Variants in RAB3GAP2 observed in about 807,000 individuals in gnomAD.
RAB3GAP2 encodes rab3 GTPase-activating protein non-catalytic subunit.
RAB3GAP2 carries 87 observed loss-of-function variants against 185.3 expected under a neutral mutation model. The ratio of observed to expected loss-of-function variants is 0.47; its 90% CI spans 0.39 to 0.56. The LOEUF (loss-of-function observed/expected upper bound fraction) is 0.56. RAB3GAP2 is among the 20% of genes least tolerant of loss of function. RAB3GAP2 has a pLI of 0.00. For synonymous variants in RAB3GAP2, 554 were observed against 576.1 expected (o/e 0.96, Z 0.55); for missense variants, 1,492 against 1,638.2 (o/e 0.91, Z 1.54).
chr1:220,233,320 T>C (rs1218445937), intron 1 of RAB3GAP2, among the ~76,000 whole-genome samples: 2 of 152,166 alleles, frequency 1.3e-5, no homozygotes, highest in African/African-American at 4.8e-5. Context: ...CAATGGAAAA[T>C]AAAACTGAAT....
At chr1:220,180,371 A>C (rs1658378877) in intron 21 of RAB3GAP2, among the ~76,000 whole-genome samples, 1 of 152,172 alleles carries the variant, frequency 6.6e-6, no homozygotes, top group Non-Finnish European at 1.5e-5. Context: ...TTTATTAAAA[A>C]AGATAAACAA....
At chr1:220,205,241 TA>T (rs1658941830) in intron 8 of RAB3GAP2, among the ~76,000 whole-genome samples, 1 of 152,176 alleles carries the variant, frequency 6.6e-6, no homozygotes, top group African/African-American at 2.4e-5. Context: ...CTATAGGTAG[TA>T]AAAGTAAGAA....
chr1:220,233,007 G>T (rs1659528660), intron 1 of RAB3GAP2, 144 bp from the exon 2 acceptor site: 2 of 674,790 alleles, frequency 3.0e-6, no homozygotes, highest in Non-Finnish European at 5.2e-6. Context: ...GTTATACCAG[G>T]ATTTTGCTAT....
intron 4 of RAB3GAP2, among the ~76,000 whole-genome samples, chr1:220,212,247 A>T (rs529697624): frequency 2.0e-5 from 3 of 152,224 alleles, no homozygotes; most frequent in Non-Finnish European, 4.4e-5. Context: ...CAGAGAAGAC[A>T]ATGATTGCCC....
At chr1:220,201,217 CT>C (rs981670957) in intron 9 of RAB3GAP2, among the ~76,000 whole-genome samples, 23 of 148,810 alleles carry the variant, frequency 1.5e-4, no homozygotes, top group Admixed American at 4.7e-4. Flanking sequence ...TTAAAGGTTA[CT>C]TTTTTTTTTA....
intron 17 of RAB3GAP2, among the ~76,000 whole-genome samples, 168 bp from the exon 18 acceptor site, chr1:220,185,909 T>C (rs924407884): frequency 3.9e-5 from 6 of 152,184 alleles, no homozygotes; most frequent in Admixed American, 2.0e-4. Context: ...TGTTAAGTAA[T>C]ATACAATCAA....
intron 1 of RAB3GAP2, among the ~76,000 whole-genome samples, chr1:220,237,626 A>T (rs1659618203): frequency 6.6e-6 from 1 of 152,190 alleles, no homozygotes; most frequent in African/African-American, 2.4e-5. Context: ...GGATACAGGA[A>T]TCTCTATTTA....
chr1:220,247,560 C>T (rs1401756045), intron 1 of RAB3GAP2, among the ~76,000 whole-genome samples: 1 of 152,110 alleles, frequency 6.6e-6, no homozygotes, highest in Non-Finnish European at 1.5e-5. Flanking sequence ...GACAAAAAGA[C>T]ATACAGAGTG....
chr1:220,167,789 C>T, intron 24 of RAB3GAP2, 114 bp from the exon 25 acceptor site: 3 of 1,135,900 alleles, frequency 2.6e-6, no homozygotes, highest in Non-Finnish European at 3.9e-6. Flanking sequence ...ATTTCTCAGC[C>T]TGAAGCTGAC....
At chr1:220,152,754 G>A (rs1312837457) in intron 33 of RAB3GAP2, among the ~76,000 whole-genome samples, 4 of 151,838 alleles carry the variant, frequency 2.6e-5, no homozygotes, top group Admixed American at 6.6e-5. Context: ...ACGGGGTCTC[G>A]CTATATTGCC....
Position 220,157,864 on chromosome 1 carries a change from T to G in RAB3GAP2, c.3274A>C (p.Ser1092Arg). The change falls in exon 30 of 35, where the codon AGT (serine) becomes CGT (arginine). Residue 1092 changes from serine to arginine, a missense_variant. Physicochemically the swap from Ser to Arg is moderately radical, Grantham distance 110. Coordinates refer to ENST00000358951, the MANE Select transcript of RAB3GAP2 (RefSeq NM_012414.4). The part of the protein sequence containing the change: ...DRLCRRDVGM[S>R]DTAMTSFLGS... ...AGGAAAGATGTCATTGCTGTGTCACTCATTCCCACATCCTGTTTTTTAAAA... is the reference window on the plus strand; with the variant it reads ...AGGAAAGATGTCATTGCTGTGTCACGCATTCCCACATCCTGTTTTTTAAAA... 3 of 1,613,240 alleles carry G rather than the reference T, an allele frequency of 1.9e-6. No individual in the cohort carries two copies. The highest frequency in any genetic ancestry group is 2.5e-6 in the Non-Finnish European group (3 of 1,179,292).
intron 2 of RAB3GAP2, among the ~76,000 whole-genome samples, chr1:220,217,068 C>T (rs953281485): frequency 3.3e-5 from 5 of 151,882 alleles, no homozygotes; most frequent in Admixed American, 2.6e-4. Context: ...AATGGAGTCT[C>T]GGAGAGGTTA....
At chr1:220,222,817 G>C (rs1659332532) in intron 2 of RAB3GAP2, among the ~76,000 whole-genome samples, 1 of 152,036 alleles carries the variant, frequency 6.6e-6, no homozygotes, top group Non-Finnish European at 1.5e-5. Context: ...TATTTGTGTA[G>C]AGCCATGCAG....
At chr1:220,196,899 A>G (rs1658735490) in intron 9 of RAB3GAP2, among the ~76,000 whole-genome samples, 1 of 152,142 alleles carries the variant, frequency 6.6e-6, no homozygotes, top group East Asian at 1.9e-4. Context: ...AATATCATAA[A>G]AACAAAATTT....
Position 220,195,352 on chromosome 1 carries a change from T to A in RAB3GAP2, c.986A>T (p.His329Leu), listed in dbSNP as rs1239383108. The A allele has an allele frequency of 6.2e-7, 1 of 1,613,040 alleles. No homozygotes were observed. The highest frequency in any genetic ancestry group is 8.5e-7 in the Non-Finnish European group (1 of 1,179,184). ...LEGSTQPLLSHVALAVASKLT... is the reference protein window; with the variant it reads ...LEGSTQPLLSLVALAVASKLT... ...TTTACTTGCAACTGCTAGTGCAACA[T>A]GGGATAATAATGGTTGTGTGCTTCC... Residue 329 changes from histidine to leucine, a missense_variant, in exon 11 of 35, where the codon CAT (histidine) becomes CTT (leucine). This residue lies in a region of RAB3GAP2 where 243 missense variants were observed against 314.8 expected (regional missense o/e 0.77). Coordinates refer to ENST00000358951, the MANE Select transcript of RAB3GAP2 (RefSeq NM_012414.4).
intron 1 of RAB3GAP2, among the ~76,000 whole-genome samples, chr1:220,264,783 T>C (rs1046905487): frequency 6.6e-6 from 1 of 152,148 alleles, no homozygotes; most frequent in Non-Finnish European, 1.5e-5. Flanking sequence ...ACCTCCTATA[T>C]GAAGACTTTC....
intron 21 of RAB3GAP2, among the ~76,000 whole-genome samples, chr1:220,180,237 C>T (rs1206456349): frequency 1.3e-5 from 2 of 151,840 alleles, no homozygotes; most frequent in African/African-American, 4.8e-5. Flanking sequence ...TCTAACAATG[C>T]ACCTCAAGAA....
chr1:220,238,924 G>A (rs1659641619), intron 1 of RAB3GAP2, among the ~76,000 whole-genome samples: 1 of 152,170 alleles, frequency 6.6e-6, no homozygotes, highest in Non-Finnish European at 1.5e-5. Context: ...ACAGGGCAGA[G>A]AACGTGTATC....
rs1257275551 is a variant in RAB3GAP2, at chr1:220,178,588, CTTG to C, written c.2310+3666_2310+3668del. Among the ~76,000 whole-genome samples the C allele has an allele frequency of 1.3e-4, 20 of 152,158 alleles. No homozygotes were observed. In the South Asian group the frequency reaches 3.5e-3, roughly 27 times the overall value. On this transcript the variant is annotated intron_variant, in intron 21 of 34. Transcript: ENST00000358951. ...GTTAAGCTGGTATCAGTTTTAAATACTTGTTGTAACTAGATTTTTTTTGTAAGC... is the reference window on the plus strand; with the variant it reads ...GTTAAGCTGGTATCAGTTTTAAATACTTGTAACTAGATTTTTTTTGTAAGC...
Sources: gnomAD v4.1 joint callset for allele counts (sites outside exome capture counted in the v4.1 genomes callset) on GRCh38, gnomAD v4.1.1 for gene constraint, gnomAD v4.1.1 regional missense constraint, MANE v1.5 for transcripts, NCBI Gene and HGNC (gene_info 2026-07-23, HGNC 2026-07-21) for gene names.